MRPS35: variants seen among roughly 807,000 people sequenced by gnomAD.
MRPS35 encodes mitochondrial ribosomal protein S35, also known as small ribosomal subunit protein mS35.
A neutral mutation model predicts 32.7 loss-of-function variants in MRPS35; 29 were observed. The observed-to-expected ratio is 0.89, with a 90% CI of 0.66 to 1.21. MRPS35 has a LOEUF of 1.21. Ranked by LOEUF, MRPS35 falls within the 50% of genes most tolerant of loss-of-function variation. The pLI, the probability that MRPS35 is intolerant of heterozygous loss-of-function variation, is 0.00. For missense variants in MRPS35, 373 were observed against 383.8 expected, an observed-to-expected ratio of 0.97 and a Z score of 0.23; for synonymous variants, 148 against 139.3, an observed-to-expected ratio of 1.06 and a Z score of -0.44.
intron 7 of MRPS35, among the ~76,000 whole-genome samples, chr12:27,754,893 A>G (rs1345835509): frequency 1.3e-5 from 2 of 152,156 alleles, no homozygotes; most frequent in Admixed American, 1.3e-4. Context: ...AGGCAGACAG[A>G]TTGTAATTAT....
At chr12:27,750,406 T>C (rs1166134129) in intron 7 of MRPS35, among the ~76,000 whole-genome samples, 1 of 152,246 alleles carries the variant, frequency 6.6e-6, no homozygotes, top group African/African-American at 2.4e-5. Context: ...TTGAGATACC[T>C]GATATATAAT....
At chr12:27,713,923 C>T (rs185498721) in intron 1 of MRPS35, among the ~76,000 whole-genome samples, 87 of 151,960 alleles carry the variant, frequency 5.7e-4, no homozygotes, top group African/African-American at 1.9e-3. Flanking sequence ...ACCGTCTCTA[C>T]AAGAATTAGC....
intron 5 of MRPS35, among the ~76,000 whole-genome samples, chr12:27,734,628 G>T (rs567349804): frequency 6.6e-6 from 1 of 152,234 alleles, no homozygotes; most frequent in South Asian, 2.1e-4. Context: ...GTGTTCATTT[G>T]TTCTAGCACT....
chr12:27,730,833 T>C (rs1243814900), intron 5 of MRPS35, among the ~76,000 whole-genome samples: 2 of 152,160 alleles, frequency 1.3e-5, no homozygotes, highest in East Asian at 1.9e-4. Flanking sequence ...GTCCATTTTC[T>C]TCACCATAAA....
intron 3 of MRPS35, among the ~76,000 whole-genome samples, chr12:27,719,468 C>T (rs2061864254): frequency 6.6e-6 from 1 of 151,840 alleles, no homozygotes; most frequent in Non-Finnish European, 1.5e-5. Flanking sequence ...AGATCGAGAC[C>T]ATCCTGGCTA....
At chr12:27,721,270 A>G (rs745837007) in intron 4 of MRPS35, among the ~76,000 whole-genome samples, 7 of 152,226 alleles carry the variant, frequency 4.6e-5, no homozygotes, top group Non-Finnish European at 8.8e-5. Context: ...TAGGTCTTCT[A>G]CTTTAGGACA....
At chr12:27,716,780 G>A (rs889246542) in intron 3 of MRPS35, among the ~76,000 whole-genome samples, 2 of 152,076 alleles carry the variant, frequency 1.3e-5, no homozygotes, top group South Asian at 4.1e-4. Flanking sequence ...TTGAGGTCAG[G>A]AGTTCAAGAC....
chr12:27,755,151 C>A, intron 7 of MRPS35, 30 bp from the exon 8 acceptor site: 1 of 1,484,838 alleles, frequency 6.7e-7, no homozygotes, highest in South Asian at 1.4e-5. Context: ...GAATTCAGAA[C>A]TCATTTTTTT....
At chr12:27,738,353 T>C (rs1308559643) in intron 7 of MRPS35, among the ~76,000 whole-genome samples, 3 of 152,204 alleles carry the variant, frequency 2.0e-5, no homozygotes, top group Admixed American at 2.0e-4. Flanking sequence ...TTTCCATTTG[T>C]GTGTCATATC....
At chr12:27,712,861 A>C (rs1334009347) in intron 1 of MRPS35, among the ~76,000 whole-genome samples, 1 of 152,164 alleles carries the variant, frequency 6.6e-6, no homozygotes, top group South Asian at 2.1e-4. Flanking sequence ...TATTGAAAAT[A>C]CAAGAAATTA....
intron 5 of MRPS35, chr12:27,725,788 C>G (rs1408205581): frequency 7.2e-6 from 1 of 139,130 alleles, no homozygotes; most frequent in African/African-American, 2.7e-5. Context: ...TGTATTGATT[C>G]CTTGTATACC....
chr12:27,714,748 T>C, intron 1 of MRPS35, 32 bp from the exon 2 acceptor site: 1 of 1,556,072 alleles, frequency 6.4e-7, no homozygotes, highest in Non-Finnish European at 8.8e-7. Context: ...GATAAAATTC[T>C]CTTTAACTAC....
At chr12:27,744,867 GT>G (rs35340427) in intron 7 of MRPS35, among the ~76,000 whole-genome samples, 1 of 151,730 alleles carries the variant, frequency 6.6e-6, no homozygotes, top group Non-Finnish European at 1.5e-5. Flanking sequence ...CTCTGACTTT[GT>G]TTTTTTTAAC....
chr12:27,755,447 A>C lies in MRPS35; in HGVS notation c.969A>C (p.Thr323=). The change falls in exon 8 of 8, where the codon ACA becomes ACC. Residue 323 remains threonine (T), a synonymous_variant. Coordinates refer to ENST00000081029, the MANE Select transcript of MRPS35 (RefSeq NM_021821.4). ...CCGTGAAGAGACTATTAAATGTGAC[A>C]TGAATTATGGAGTAGAAAAATCTGC... The part of the protein sequence containing the change: ...KESVKRLLNV[T] 6.4e-7 allele frequency: 1 copy of C among 1,556,890 alleles called. No individual in the cohort carries two copies. Among genetic ancestry groups the C allele is most frequent in the South Asian group, 1.3e-5 (1 of 78,886 alleles).
rs1293895563 is a variant in MRPS35, at chr12:27,714,796, A to C, written c.129A>C (p.Gly43=). Residue 43 remains glycine (G), a synonymous_variant, in exon 2 of 8, where the codon GGA becomes GGC. Coordinates refer to ENST00000081029, the MANE Select transcript of MRPS35 (RefSeq NM_021821.4). ...TACGTACAGCGGAAAGAACACCCGGAAATGAAAGGCCACCAAGAAGAAAGG... is the reference window on the plus strand; with the variant it reads ...TACGTACAGCGGAAAGAACACCCGGCAATGAAAGGCCACCAAGAAGAAAGG... The part of the protein sequence containing the change: ...PTPSLPERTP[G]NERPPRRKAL... The C allele has an allele frequency of 2.4e-5, 39 of 1,610,832 alleles. 1 individual carries two copies. The Admixed American group carries it at 6.5e-4, about 27-fold the overall frequency.
chr12:27,754,250 T>A (rs1050466577), intron 7 of MRPS35, among the ~76,000 whole-genome samples: 1 of 151,854 alleles, frequency 6.6e-6, no homozygotes, highest in Non-Finnish European at 1.5e-5. Context: ...CGAGACTCTG[T>A]CTTGGCGGGG....
chr12:27,748,284 A>G (rs1034639132), intron 7 of MRPS35, among the ~76,000 whole-genome samples: 2 of 152,212 alleles, frequency 1.3e-5, no homozygotes, highest in Non-Finnish European at 2.9e-5. Flanking sequence ...GCCTGGCAGA[A>G]TAGTTGTGCA....
In MRPS35 at chr12:27,710,964, C is replaced by CTT; in HGVS notation, c.112+10_112+11insTT. ...CCCGACACCTAGCCTGCGTGAGTGT[C>CTT]TGTCTCGTCTTCTCTGGGCTTTGGG... On this transcript the variant is annotated intron_variant, in intron 1 of 7. Coordinates refer to ENST00000081029, the MANE Select transcript of MRPS35 (RefSeq NM_021821.4). 6.2e-7 allele frequency: 1 copy of CTT among 1,609,178 alleles called. No homozygotes were observed. The highest frequency in any genetic ancestry group is 8.5e-7 in the Non-Finnish European group (1 of 1,177,350).
At chr12:27,747,180 G>A (rs1280066521) in intron 7 of MRPS35, among the ~76,000 whole-genome samples, 1 of 152,126 alleles carries the variant, frequency 6.6e-6, no homozygotes, top group African/African-American at 2.4e-5. Context: ...CTTTGCATAT[G>A]TTATTCTCTT....
Sources: allele counts gnomAD v4.1 joint callset (sites outside exome capture counted in the v4.1 genomes callset), GRCh38; gene constraint gnomAD v4.1.1; transcripts MANE v1.5; gene names NCBI Gene and HGNC (gene_info 2026-07-23, HGNC 2026-07-21).